SFMBT1: variants seen among roughly 807,000 people sequenced by gnomAD.
SFMBT1 encodes scm-like with four MBT domains protein 1.
SFMBT1 carries 32 observed loss-of-function variants against 108.7 expected under a neutral mutation model. That is an observed-to-expected ratio of 0.29 (90% CI 0.22 to 0.40). SFMBT1 has a LOEUF of 0.40. SFMBT1 is among the 10% of genes least tolerant of loss of function. SFMBT1 has a pLI of 1.00. For synonymous variants in SFMBT1, 348 were observed against 369.5 expected (o/e 0.94, Z 0.67); for missense variants, 816 against 1,059.6 (o/e 0.77, Z 3.19).
At chr3:52,977,739 A>T (rs922630734) in intron 1 of SFMBT1, among the ~76,000 whole-genome samples, 2 of 152,234 alleles carry the variant, frequency 1.3e-5, no homozygotes, top group Admixed American at 1.3e-4. Flanking sequence ...GTATTTCTAT[A>T]GGCACACATA....
chr3:52,995,897 C>A lies in SFMBT1; in HGVS notation c.-130-26639G>T, dbSNP rs1310107701. Among the ~76,000 whole-genome samples, 7 of 149,046 alleles carry A rather than the reference C, an allele frequency of 4.7e-5. 1 individual carries two copies. In the East Asian group the frequency reaches 1.4e-3, roughly 30 times the overall value. ...GACCAGCCTGGCCAACATGGTGAAA[C>A]CCCGTCTCTACTAAAAATACAAAAA... On this transcript the variant is annotated intron_variant, in intron 1 of 20. Coordinates refer to ENST00000394752, the MANE Select transcript of SFMBT1 (RefSeq NM_016329.4).
intron 1 of SFMBT1, among the ~76,000 whole-genome samples, chr3:53,006,761 A>T (rs949119763): frequency 6.6e-6 from 1 of 152,254 alleles, no homozygotes; most frequent in Non-Finnish European, 1.5e-5. Flanking sequence ...GCAAACACCA[A>T]GGGAAGACTG....
chr3:53,007,470 C>G (rs1698788145), intron 1 of SFMBT1, among the ~76,000 whole-genome samples: 1 of 152,072 alleles, frequency 6.6e-6, no homozygotes, highest in African/African-American at 2.4e-5. Context: ...CATATGAGTA[C>G]CTACAGTGCC....
Position 52,906,166 on chromosome 3 carries a change from G to A in SFMBT1, c.2407C>T (p.Arg803Trp), listed in dbSNP as rs867253711. 3.1e-6 allele frequency: 5 copies of A among 1,614,074 alleles called. No individual in the cohort carries two copies. Among genetic ancestry groups the A allele is most frequent in the Non-Finnish European group, 4.2e-6 (5 of 1,179,954 alleles). Residue 803 changes from arginine (R) to tryptophan (W), a missense_variant, in exon 20 of 21, where the codon CGG (arginine) becomes TGG (tryptophan). Physicochemically the swap from Arg to Trp is moderately radical, Grantham distance 101. Transcript: ENST00000394752. ...PLKWSVADVV[R>W]FIRSTDCAPL... ...GCACAGTCAGTGGATCTGATGAACCGCACAACGTCTGCCACACTCCACTTC... is the reference window on the plus strand; with the variant it reads ...GCACAGTCAGTGGATCTGATGAACCACACAACGTCTGCCACACTCCACTTC...
chr3:52,928,639 TATATATATATATATACACATATATAC>T (rs1702754171), intron 8 of SFMBT1: 1 of 17,956 alleles, frequency 5.6e-5, no homozygotes, highest in Non-Finnish European at 5.0e-4. Flanking sequence ...TATATATACA[TATATATATATATATACACATATATAC>T]ATATATACAC....
intron 1 of SFMBT1, among the ~76,000 whole-genome samples, chr3:53,014,393 C>A (rs1405386520): frequency 2.0e-5 from 3 of 151,950 alleles, no homozygotes; most frequent in Non-Finnish European, 4.4e-5. Context: ...TCGCTTGAGC[C>A]CAGGAGGTCA....
chr3:52,941,496 A>C (rs1703179786), intron 4 of SFMBT1, among the ~76,000 whole-genome samples: 1 of 140,540 alleles, frequency 7.1e-6, no homozygotes, highest in African/African-American at 2.6e-5. Flanking sequence ...TGGGAGGCTG[A>C]GGGAGGAGAA....
intron 1 of SFMBT1, among the ~76,000 whole-genome samples, chr3:52,982,341 T>C (rs889395456): frequency 6.6e-6 from 1 of 152,160 alleles, no homozygotes; most frequent in Non-Finnish European, 1.5e-5. Context: ...CCAGATGTCC[T>C]GCATAACTTC....
chr3:52,921,640 CA>C lies in SFMBT1; in HGVS notation c.1258+64del, dbSNP rs1702522238. ...CCATTAAGTTTAACAGGCAACATTA[CA>C]GGAGTAAACAGGAAGCTCAAAGGAG... is the stretch of plus-strand genomic sequence containing the variant. On this transcript the variant is annotated intron_variant, in intron 11 of 20. Transcript: ENST00000394752. The C allele has an allele frequency of 1.9e-6, 3 of 1,558,378 alleles. No homozygotes were observed. The South Asian group carries it at 3.6e-5, about 18-fold the overall frequency.
At chr3:53,035,502 A>G (rs1237650391) in intron 1 of SFMBT1, among the ~76,000 whole-genome samples, 1 of 152,240 alleles carries the variant, frequency 6.6e-6, no homozygotes, top group Non-Finnish European at 1.5e-5. Context: ...TACTACATTG[A>G]TAAATGAACA....
chr3:53,016,151 C>A (rs542742378), intron 1 of SFMBT1, among the ~76,000 whole-genome samples: 8 of 148,448 alleles, frequency 5.4e-5, no homozygotes, highest in African/African-American at 1.5e-4. Flanking sequence ...AATTAAAGGA[C>A]AAAGTGAAAA....
At chr3:52,945,810 CAAA>C (rs200165393) in intron 3 of SFMBT1, among the ~76,000 whole-genome samples, 1 of 111,870 alleles carries the variant, frequency 8.9e-6, no homozygotes, top group Non-Finnish European at 1.8e-5. Flanking sequence ...GACTCCATCT[CAAA>C]AAAAAAAAAA....
At chr3:52,943,211 T>C (rs940169709) in intron 4 of SFMBT1, 142 bp downstream of exon 4, 8 of 972,648 alleles carry the variant, frequency 8.2e-6, no homozygotes, top group Admixed American at 7.4e-5. Flanking sequence ...TTATTCCTTA[T>C]AAATATTTTC....
intron 1 of SFMBT1, among the ~76,000 whole-genome samples, chr3:53,033,800 T>TG (rs1435237697): frequency 6.7e-6 from 1 of 149,830 alleles, no homozygotes; most frequent in Non-Finnish European, 1.5e-5. Flanking sequence ...CCTGGCGCAG[T>TG]GGCTCACGCC....
At chr3:53,005,571 C>T (rs373284469) in intron 1 of SFMBT1, among the ~76,000 whole-genome samples, 4 of 152,230 alleles carry the variant, frequency 2.6e-5, no homozygotes, top group East Asian at 1.9e-4. Context: ...CTTGGCCTTC[C>T]GAAGTGTTGG....
At chr3:52,936,893 C>CTTTTT (rs5848969) in intron 4 of SFMBT1, among the ~76,000 whole-genome samples, 1 of 114,992 alleles carries the variant, frequency 8.7e-6, no homozygotes, top group African/African-American at 3.2e-5. Context: ...TTACACATTT[C>CTTTTT]TTTTTTTTTT....
In SFMBT1 at chr3:53,035,113, G is replaced by A. The variant is rs113285240; in HGVS notation, c.-131+10703C>T. ...GTTGGTGAGGCTGCAGAGGCCATGAGAGAAGGGAATAAGCTGGACAAATGG... is the reference window on the plus strand; with the variant it reads ...GTTGGTGAGGCTGCAGAGGCCATGAAAGAAGGGAATAAGCTGGACAAATGG... On this transcript the variant is annotated intron_variant, in intron 1 of 20. Transcript: ENST00000394752. 4.5e-4 allele frequency among the ~76,000 whole-genome samples: 69 copies of A among 152,258 alleles called. 1 individual carries two copies. The highest frequency in any genetic ancestry group is 1.6e-3 in the African/African-American group (67 of 41,466).
intron 3 of SFMBT1, among the ~76,000 whole-genome samples, chr3:52,952,155 G>A (rs936180597): frequency 5.3e-5 from 8 of 151,930 alleles, no homozygotes; most frequent in South Asian, 4.1e-4. Context: ...TCAGGAGATC[G>A]AGACCATCCT....
intron 13 of SFMBT1, 115 bp from the exon 14 acceptor site, chr3:52,916,329 G>A: frequency 1.6e-6 from 1 of 643,414 alleles, no homozygotes; most frequent in Non-Finnish European, 2.7e-6. Context: ...CGCAAAATCT[G>A]TAACAGAAGG....
Sources: gnomAD v4.1 joint callset for allele counts (sites outside exome capture counted in the v4.1 genomes callset) on GRCh38, gnomAD v4.1.1 for gene constraint, MANE v1.5 for transcripts, NCBI Gene and HGNC (gene_info 2026-07-23, HGNC 2026-07-21) for gene names.